CDYL2: variants seen among roughly 807,000 people sequenced by gnomAD.
CDYL2 encodes the protein chromodomain Y like 2.
Under a neutral mutation model 49.4 loss-of-function variants are expected in CDYL2, and 23 were observed. The observed-to-expected ratio is 0.47, with a 90% CI of 0.34 to 0.66. CDYL2 has a LOEUF of 0.66. Ranked by LOEUF, CDYL2 falls within the 30% of genes least tolerant of loss-of-function variation. CDYL2 has a pLI of 0.01. For missense variants in CDYL2, 678 were observed against 656.4 expected (o/e 1.03, Z -0.36); for synonymous variants, 360 against 268.8 (o/e 1.34, Z -3.32).
At chr16:80,726,070 A>T (rs1169150620) in intron 1 of CDYL2, among the ~76,000 whole-genome samples, 1 of 152,240 alleles carries the variant, frequency 6.6e-6, no homozygotes, top group Non-Finnish European at 1.5e-5. Context: ...AAGTTCAAAA[A>T]TAATTTGCTA....
intron 1 of CDYL2, among the ~76,000 whole-genome samples, chr16:80,691,212 C>T (rs570441619): frequency 2.6e-5 from 4 of 152,300 alleles, no homozygotes; most frequent in South Asian, 4.2e-4. Context: ...ATCCTTTCAA[C>T]ATCCTGAGAC....
At chr16:80,703,457 G>C (rs866543834) in intron 1 of CDYL2, among the ~76,000 whole-genome samples, 3 of 152,140 alleles carry the variant, frequency 2.0e-5, no homozygotes, top group Non-Finnish European at 4.4e-5. Flanking sequence ...TTGGACTAGA[G>C]CTACCAACCT....
At chr16:80,658,721 G>A (rs546579335) in intron 2 of CDYL2, among the ~76,000 whole-genome samples, 1 of 152,268 alleles carries the variant, frequency 6.6e-6, no homozygotes, top group South Asian at 2.1e-4. Context: ...TAGAAGAAAT[G>A]AAACCCAAAT....
At chr16:80,731,912 TAA>T (rs36094462) in intron 1 of CDYL2, among the ~76,000 whole-genome samples, 3 of 144,210 alleles carry the variant, frequency 2.1e-5, no homozygotes, top group African/African-American at 2.6e-5. Context: ...GCAGCACAGT[TAA>T]AAAAAAAAAA....
intron 1 of CDYL2, among the ~76,000 whole-genome samples, chr16:80,774,975 G>A (rs1160544720): frequency 6.6e-6 from 1 of 151,522 alleles, no homozygotes; most frequent in Non-Finnish European, 1.5e-5. Flanking sequence ...AGAAATCTGT[G>A]AATAGATTAT....
intron 2 of CDYL2, among the ~76,000 whole-genome samples, chr16:80,670,589 G>T (rs1296270300): frequency 1.3e-5 from 2 of 152,126 alleles, no homozygotes; most frequent in South Asian, 2.1e-4. Flanking sequence ...CATGGAGAAG[G>T]GAGCGCTGGA....
chr16:80,765,832 G>A (rs1397363009), intron 1 of CDYL2, among the ~76,000 whole-genome samples: 3 of 135,850 alleles, frequency 2.2e-5, no homozygotes, highest in Middle Eastern at 3.7e-3. Flanking sequence ...CTTGAGCCCA[G>A]GAGTTTGAGA....
chr16:80,780,471 C>T (rs1907227710), intron 1 of CDYL2, among the ~76,000 whole-genome samples: 1 of 137,280 alleles, frequency 7.3e-6, no homozygotes, highest in Non-Finnish European at 1.5e-5. Flanking sequence ...GTGGCACCAA[C>T]TCGGCTCACT....
chr16:80,784,042 AT>A (rs1469460317), intron 1 of CDYL2, among the ~76,000 whole-genome samples: 1 of 152,244 alleles, frequency 6.6e-6, no homozygotes. Flanking sequence ...GGAAAATACT[AT>A]GTTATACTGT....
At chr16:80,736,868 T>C (rs942916929) in intron 1 of CDYL2, among the ~76,000 whole-genome samples, 44 of 152,254 alleles carry the variant, frequency 2.9e-4, no homozygotes, top group African/African-American at 9.2e-4. Flanking sequence ...TCATTTGAAC[T>C]GTTCACTTGC....
intron 1 of CDYL2, among the ~76,000 whole-genome samples, chr16:80,757,679 G>A (rs2142378893): frequency 6.6e-6 from 1 of 150,986 alleles, no homozygotes; most frequent in Admixed American, 6.6e-5. Context: ...TATTTAACAG[G>A]GAAAGGTATA....
chr16:80,631,238 G>A (rs1160817343), intron 3 of CDYL2, among the ~76,000 whole-genome samples: 1 of 152,156 alleles, frequency 6.6e-6, no homozygotes, highest in Non-Finnish European at 1.5e-5. Flanking sequence ...CAGAAGGGAG[G>A]TGACGAAATG....
At position 80,603,134 on chromosome 16, in the gene CDYL2, C is replaced by T. The variant is rs1386906145; in HGVS notation, c.*1254G>A. On this transcript the variant is annotated 3_prime_UTR_variant, in exon 7 of 7. Coordinates refer to ENST00000570137, the MANE Select transcript of CDYL2 (RefSeq NM_152342.4). Reference sequence around the variant, plus strand: ...AGCTTCTGGAGGGAAAAGATTCAGACCTCCAGACAGCTCAGCAGAGTGGGA... The same window carrying T: ...AGCTTCTGGAGGGAAAAGATTCAGATCTCCAGACAGCTCAGCAGAGTGGGA... 1 of 152,198 alleles carries T rather than the reference C, an allele frequency of 6.6e-6. No homozygotes were observed. Among genetic ancestry groups the T allele is most frequent in the African/African-American group, 2.4e-5 (1 of 41,424 alleles). The allele number at this position is 152,198 out of a possible 1,614,324, so 9.4% of individuals were successfully genotyped here.
chr16:80,775,814 T>C (rs1907064361), intron 1 of CDYL2, among the ~76,000 whole-genome samples: 1 of 151,470 alleles, frequency 6.6e-6, no homozygotes, highest in South Asian at 2.1e-4. Context: ...ATATAGTACT[T>C]AATAAGCTTT....
At chr16:80,763,968 G>A (rs1392514576) in intron 1 of CDYL2, among the ~76,000 whole-genome samples, 3 of 151,678 alleles carry the variant, frequency 2.0e-5, no homozygotes, top group Non-Finnish European at 2.9e-5. Context: ...GGGAAAGAGG[G>A]GTATTGAAAA....
rs1256877679 is a variant in CDYL2, at chr16:80,598,849, C to G, written c.*5539G>C. Reference sequence around the variant, plus strand: ...TCTGCACCATCAAGCATGCACATATCTGTCTAGATGTGCCCACAATCTATG... The same window carrying G: ...TCTGCACCATCAAGCATGCACATATGTGTCTAGATGTGCCCACAATCTATG... On this transcript the variant is annotated 3_prime_UTR_variant, in exon 7 of 7. Transcript: ENST00000570137. 1 of 152,172 alleles carries G rather than the reference C, an allele frequency of 6.6e-6. No homozygotes were observed. Among genetic ancestry groups the G allele is most frequent in the Admixed American group, 6.5e-5 (1 of 15,276 alleles). The allele number at this position is 152,172 out of a possible 1,614,324, so 9.4% of individuals were successfully genotyped here.
chr16:80,774,258 C>T (rs754676202), intron 1 of CDYL2, among the ~76,000 whole-genome samples: 2 of 151,976 alleles, frequency 1.3e-5, no homozygotes, highest in Admixed American at 6.6e-5. Context: ...TGCAACAATA[C>T]GGATGGAACT....
chr16:80,785,859 G>A (rs552269967), intron 1 of CDYL2, among the ~76,000 whole-genome samples: 1 of 152,134 alleles, frequency 6.6e-6, no homozygotes, highest in South Asian at 2.1e-4. Context: ...AAAAGCAATG[G>A]GGAAAAGATT....
In CDYL2 at chr16:80,620,945, G is replaced by C. The variant is rs1473125246; in HGVS notation, c.835-10C>G. On this transcript the variant is annotated splice_polypyrimidine_tract_variant and intron_variant, in intron 3 of 6. Coordinates refer to ENST00000570137, the MANE Select transcript of CDYL2 (RefSeq NM_152342.4). Reference sequence around the variant, plus strand: ...GGACTTCTTTCATGATCTGCCGGCAGAGATGAATTTGCAGGGATGTTAAGT... The same window carrying C: ...GGACTTCTTTCATGATCTGCCGGCACAGATGAATTTGCAGGGATGTTAAGT... The C allele has an allele frequency of 2.5e-6, 4 of 1,585,706 alleles. No individual in the cohort carries two copies. The highest frequency in any genetic ancestry group is 1.7e-6 in the Non-Finnish European group (2 of 1,161,548).
Sources: gnomAD v4.1 joint callset for allele counts (sites outside exome capture counted in the v4.1 genomes callset) on GRCh38, gnomAD v4.1.1 for gene constraint, MANE v1.5 for transcripts, NCBI Gene and HGNC (gene_info 2026-07-23, HGNC 2026-07-21) for gene names.